SART3: variants seen among roughly 807,000 people sequenced by gnomAD.
The protein encoded by SART3 is spliceosome associated factor 3, U4/U6 recycling protein, also known as HIV-1 Tat-interacting protein of 110kDa.
SART3 carries 44 observed loss-of-function variants against 122.3 expected under a neutral mutation model. The observed-to-expected ratio is 0.36, with a 90% CI of 0.28 to 0.46. The LOEUF (loss-of-function observed/expected upper bound fraction) is 0.46. Ranked by LOEUF, SART3 falls within the 20% of genes least tolerant of loss-of-function variation. The pLI, the probability that SART3 is intolerant of heterozygous loss-of-function variation, is 1.00. For synonymous variants in SART3, 442 were observed against 454.0 expected, an observed-to-expected ratio of 0.97 and a Z score of 0.34; for missense variants, 1,101 against 1,229.0, an observed-to-expected ratio of 0.90 and a Z score of 1.56.
chr12:108,524,298 T>TAG lies in SART3; in HGVS notation c.2714+17_2714+18insCT. 1 of 1,609,006 alleles carries TAG rather than the reference T, an allele frequency of 6.2e-7. No homozygotes were observed. The highest frequency in any genetic ancestry group is 8.5e-7 in the Non-Finnish European group (1 of 1,176,692). ...AGCCAGGACGAAGTTTGCACTAGTC[T>TAG]ACCATGCAAGCACTTACGCTCCGTA... On this transcript the variant is annotated intron_variant, in intron 18 of 18. Transcript: ENST00000546815.
Position 108,532,331 on chromosome 12 carries a change from A to T in SART3, c.1560T>A (p.Ala520=). ...MWLEYYNLER[A]HGDTQHCRKA... is the part of the protein sequence containing the mutation. ...TCCGGCAGTGCTGGGTGTCACCATG[A>T]GCTCTAAGGCAGAAAACAAAAAGTT... Residue 520 remains alanine, a synonymous_variant, in exon 13 of 19, where the codon GCT becomes GCA. Coordinates refer to ENST00000546815, the MANE Select transcript of SART3 (RefSeq NM_014706.4). 1 of 1,613,806 alleles carries T rather than the reference A, an allele frequency of 6.2e-7. No homozygotes were observed. The highest frequency in any genetic ancestry group is 8.5e-7 in the Non-Finnish European group (1 of 1,179,926).
intron 12 of SART3, among the ~76,000 whole-genome samples, chr12:108,534,273 C>T (rs1872805126): frequency 6.6e-6 from 1 of 151,854 alleles, no homozygotes; most frequent in South Asian, 2.1e-4. Flanking sequence ...TTTTTGGGAT[C>T]CTCCAATTTT....
rs763565258 is a variant in SART3 at position 108,544,415 on chromosome 12, A to C, written c.781+12T>G. 33 of 1,609,546 alleles carry C rather than the reference A, an allele frequency of 2.1e-5. No homozygotes were observed. The highest frequency in any genetic ancestry group is 2.7e-5 in the Non-Finnish European group (32 of 1,175,910). On this transcript the variant is annotated intron_variant, in intron 5 of 18. Transcript: ENST00000546815. Reference sequence around the variant, plus strand: ...ATAGAGGGCTGGCTGTTGACATGTCAGTTTCTCTTACCATAGAGTGGGATC... The same window carrying C: ...ATAGAGGGCTGGCTGTTGACATGTCCGTTTCTCTTACCATAGAGTGGGATC...
intron 11 of SART3, 123 bp downstream of exon 11, chr12:108,536,391 T>G (rs1215464426): frequency 3.4e-5 from 32 of 948,714 alleles, no homozygotes; most frequent in Non-Finnish European, 4.6e-5. Context: ...ACCTAGGTAA[T>G]AACATAAATC....
At chr12:108,558,354 T>C (rs527574626) in intron 1 of SART3, among the ~76,000 whole-genome samples, 1 of 152,298 alleles carries the variant, frequency 6.6e-6, no homozygotes, top group African/African-American at 2.4e-5. Context: ...GACAAGTCCA[T>C]TTCTAGACCA....
chr12:108,525,473 C>T lies in SART3; in HGVS notation c.2507G>A (p.Arg836Gln), dbSNP rs1360428152. The change falls in exon 17 of 19, where the codon CGG becomes CAG. Residue 836 changes from arginine (R) to glutamine (Q), a missense_variant. By Grantham distance (43) the Arg-to-Gln change is conservative (BLOSUM62 1). Coordinates refer to ENST00000546815, the MANE Select transcript of SART3 (RefSeq NM_014706.4). ...TVKDLRLVTNRAGKPKGLAYV... is the reference protein window; with the variant it reads ...TVKDLRLVTNQAGKPKGLAYV... ...GACTCTGACCTTTGGTTTGCCAGCC[C>T]GGTTGGTGACCAGCCTGAGGTCCTT... 3.7e-6 allele frequency: 6 copies of T among 1,614,056 alleles called. No homozygotes were observed. The highest frequency in any genetic ancestry group is 1.6e-4 in the Middle Eastern group (1 of 6,066).
At chr12:108,547,624 C>A (rs1873487860) in intron 3 of SART3, among the ~76,000 whole-genome samples, 1 of 152,152 alleles carries the variant, frequency 6.6e-6, no homozygotes, top group Non-Finnish European at 1.5e-5. Context: ...AGTGGAAATA[C>A]CATGTAAGTT....
intron 16 of SART3, 143 bp downstream of exon 16, chr12:108,525,956 G>A (rs1424621436): frequency 3.0e-5 from 22 of 737,514 alleles, no homozygotes; most frequent in Non-Finnish European, 3.4e-5. Context: ...ACCGGCTCAG[G>A]ATGGACCTTG....
intron 1 of SART3, among the ~76,000 whole-genome samples, chr12:108,557,241 T>C (rs1380617187): frequency 7.9e-6 from 1 of 126,004 alleles, no homozygotes; most frequent in Non-Finnish European, 1.6e-5. Context: ...TGAGGTGGAA[T>C]CTTGCTCTGT....
chr12:108,539,894 C>G (rs1873081719), intron 6 of SART3, among the ~76,000 whole-genome samples: 1 of 152,166 alleles, frequency 6.6e-6, no homozygotes, highest in South Asian at 2.1e-4. Flanking sequence ...AATATAATAT[C>G]TTCTTAAAAG....
rs1437883226 is a variant in SART3 at position 108,560,977 on chromosome 12, C to T, written c.178G>A (p.Glu60Lys). The change falls in exon 1 of 19, where the codon GAA becomes AAA. Residue 60 changes from glutamate to lysine, a missense_variant. Transcript: ENST00000546815. ...TCCCCATCGCTCTCGCTCACGCCTT[C>T]CTCCTGCTGATCCCACGCTGGCCCC... ...TMGPAWDQQE[E>K]GVSESDGDEY... 6.2e-7 allele frequency: 1 copy of T among 1,614,170 alleles called. No individual in the cohort carries two copies. The highest frequency in any genetic ancestry group is 1.7e-5 in the Admixed American group (1 of 60,028).
At chr12:108,529,807 A>G (rs1015065120) in intron 15 of SART3, among the ~76,000 whole-genome samples, 2 of 114,596 alleles carry the variant, frequency 1.7e-5, no homozygotes, top group African/African-American at 3.3e-5. Context: ...TCATCAGAGT[A>G]AAAAAAAAAA....
At chr12:108,544,766 C>T in intron 4 of SART3, 1 of 586,904 alleles carries the variant, frequency 1.7e-6, no homozygotes, top group Non-Finnish European at 3.0e-6. Context: ...GGACTCACTA[C>T]ATTGCCCAGG....
chr12:108,536,900 G>A, intron 9 of SART3, 115 bp from the exon 10 acceptor site: 1 of 926,628 alleles, frequency 1.1e-6, no homozygotes, highest in Non-Finnish European at 1.7e-6. Context: ...ATCATGCAAG[G>A]GACACAGAAA....
At position 108,526,444 on chromosome 12, in the gene SART3, C is replaced by T; in HGVS notation, c.2025G>A (p.Val675=). The change falls in exon 16 of 19, where the codon GTG becomes GTA. Residue 675 remains valine, a synonymous_variant. Coordinates refer to ENST00000546815, the MANE Select transcript of SART3 (RefSeq NM_014706.4). ...GPAGKCAAVD[V]EPPSKQKEKA... Reference sequence around the variant, plus strand: ...TCTCCTTCTGCTTCGAAGGGGGCTCCACATCTACGGCAGCACATTTCCCAG... The same window carrying T: ...TCTCCTTCTGCTTCGAAGGGGGCTCTACATCTACGGCAGCACATTTCCCAG... 6.2e-7 allele frequency: 1 copy of T among 1,614,208 alleles called. No homozygotes were observed. Among genetic ancestry groups the T allele is most frequent in the Non-Finnish European group, 8.5e-7 (1 of 1,180,048 alleles).
At chr12:108,544,345 G>A in intron 5 of SART3, 82 bp downstream of exon 5, 5 of 1,198,338 alleles carry the variant, frequency 4.2e-6, no homozygotes, top group South Asian at 3.6e-5. Context: ...CAGGATGGTG[G>A]GAAAGGTCTA....
At position 108,526,330 on chromosome 12, in the gene SART3, G is replaced by A. The variant is rs753865968; in HGVS notation, c.2139C>T (p.Tyr713=). The A allele has an allele frequency of 5.6e-6, 9 of 1,614,124 alleles. No individual in the cohort carries two copies. In the South Asian group the frequency reaches 9.9e-5, roughly 18 times the overall value. ...SITVFVSNLP[Y]SMQEPDTKLR... is the part of the protein sequence containing the mutation. ...GCTTCGTGTCCGGCTCCTGCATGCTGTAGGGCAGGTTGCTGACAAAGACGG... is the reference window on the plus strand; with the variant it reads ...GCTTCGTGTCCGGCTCCTGCATGCTATAGGGCAGGTTGCTGACAAAGACGG... Residue 713 remains tyrosine (Y), a synonymous_variant, in exon 16 of 19, where the codon TAC becomes TAT. Transcript: ENST00000546815.
chr12:108,525,699 G>A, intron 16 of SART3, 90 bp from the exon 17 acceptor site: 2 of 1,365,700 alleles, frequency 1.5e-6, no homozygotes, highest in Non-Finnish European at 2.1e-6. Context: ...GTCCCCATGA[G>A]CAGCCCAGCC....
chr12:108,560,848 C>T lies in SART3; in HGVS notation c.307G>A (p.Glu103Lys), dbSNP rs1024917129. 1 of 1,587,856 alleles carries T rather than the reference C, an allele frequency of 6.3e-7. No homozygotes were observed. Among genetic ancestry groups the T allele is most frequent in the South Asian group, 1.1e-5 (1 of 87,762 alleles). The stretch of plus-strand genomic sequence containing the variant: ...CTGCCCACCCCCGGGCCCACCTGCT[C>T]CTCCAGTCTCTCAATCTCCAGCTGG... ...KNQLEIERLE[E>K]QLSINVYDYN... Residue 103 changes from glutamate (E) to lysine (K), a missense_variant, in exon 1 of 19, where the codon GAG (glutamate) becomes AAG (lysine). Glu to Lys is a moderately conservative substitution (Grantham distance 56). This residue lies in a region of SART3 where 216 missense variants were observed against 148.9 expected (regional missense o/e 1.45). Transcript: ENST00000546815.
Sources: allele counts gnomAD v4.1 joint callset (sites outside exome capture counted in the v4.1 genomes callset), GRCh38; gene constraint gnomAD v4.1.1; regional missense constraint gnomAD v4.1.1; transcripts MANE v1.5; gene names NCBI Gene and HGNC (gene_info 2026-07-23, HGNC 2026-07-21).